PDE4D: variants seen among roughly 807,000 people sequenced by gnomAD.
PDE4D encodes 3',5'-cyclic-AMP phosphodiesterase 4D.
Under a neutral mutation model 87.4 loss-of-function variants are expected in PDE4D, and 24 were observed. The ratio of observed to expected loss-of-function variants is 0.27; its 90% confidence interval spans 0.20 to 0.39. The LOEUF (loss-of-function observed/expected upper bound fraction) is 0.39, where lower values mean the gene tolerates loss of function less well. PDE4D is among the 10% of genes least tolerant of loss of function. PDE4D has a pLI of 1.00. For missense variants in PDE4D, 714 were observed against 1,041.0 expected, an observed-to-expected ratio of 0.69 and a Z score of 4.32; for synonymous variants, 384 against 383.2, an observed-to-expected ratio of 1.00 and a Z score of -0.02.
chr5:60,224,863 G>C (rs1394966012), intron 1 of PDE4D, among the ~76,000 whole-genome samples: 1 of 152,006 alleles, frequency 6.6e-6, no homozygotes, highest in Non-Finnish European at 1.5e-5. Flanking sequence ...GGGAGGCGGG[G>C]AGAGGGAAAG....
intron 1 of PDE4D, among the ~76,000 whole-genome samples, chr5:59,849,799 G>T (rs1744405931): frequency 3.9e-5 from 6 of 151,990 alleles, no homozygotes; most frequent in Admixed American, 3.9e-4. Flanking sequence ...CTCAATTTTT[G>T]TTATAGTTTG....
intron 2 of PDE4D, among the ~76,000 whole-genome samples, chr5:60,057,371 C>T (rs1201236384): frequency 2.0e-5 from 3 of 151,928 alleles, no homozygotes; most frequent in Non-Finnish European, 4.4e-5. Flanking sequence ...TTTGAAGGTA[C>T]ATATGCCTGG....
At chr5:60,131,420 G>A (rs772968659) in intron 2 of PDE4D, among the ~76,000 whole-genome samples, 85 of 152,160 alleles carry the variant, frequency 5.6e-4, no homozygotes, top group Non-Finnish European at 2.2e-4. Flanking sequence ...AGTCTGTTGC[G>A]ATATCCTTTG....
At chr5:59,730,754 C>T (rs2150602279) in intron 1 of PDE4D, among the ~76,000 whole-genome samples, 1 of 152,200 alleles carries the variant, frequency 6.6e-6, no homozygotes, top group Middle Eastern at 3.4e-3. Flanking sequence ...TTATTGTAGT[C>T]ATGTGCCATA....
chr5:60,427,122 G>A (rs974229118), intron 1 of PDE4D, among the ~76,000 whole-genome samples: 6 of 152,100 alleles, frequency 3.9e-5, no homozygotes, highest in Non-Finnish European at 5.9e-5. Flanking sequence ...AAAGAAAAGC[G>A]AGTGAGAATG....
At chr5:59,392,263 C>G (rs563959281) in intron 1 of PDE4D, among the ~76,000 whole-genome samples, 2 of 151,694 alleles carry the variant, frequency 1.3e-5, no homozygotes, top group South Asian at 4.2e-4. Flanking sequence ...TAGCTGCCAG[C>G]GCTGCTAGAA....
chr5:59,050,635 G>T (rs185495347), intron 5 of PDE4D, among the ~76,000 whole-genome samples: 1 of 152,184 alleles, frequency 6.6e-6, no homozygotes, highest in Non-Finnish European at 1.5e-5. Flanking sequence ...TATACACACA[G>T]AAGAATCCAC....
intron 6 of PDE4D, chr5:58,999,520 T>C (rs1214210542): frequency 2.6e-6 from 4 of 1,537,168 alleles, no homozygotes; most frequent in African/African-American, 1.4e-5. Flanking sequence ...TGACAGTAAA[T>C]AGTTTGCTTC....
chr5:60,009,517 A>T (rs1168044567), intron 2 of PDE4D, among the ~76,000 whole-genome samples: 1 of 152,026 alleles, frequency 6.6e-6, no homozygotes, highest in East Asian at 1.9e-4. Flanking sequence ...AAACAGTATA[A>T]ACAAGTGAGC....
intron 1 of PDE4D, among the ~76,000 whole-genome samples, chr5:60,446,455 C>A (rs1745648070): frequency 6.6e-6 from 1 of 152,078 alleles, no homozygotes; most frequent in African/African-American, 2.4e-5. Flanking sequence ...GATGTTCACA[C>A]TAGTTCGTTA....
chr5:59,367,260 T>G (rs1019173677), intron 1 of PDE4D, among the ~76,000 whole-genome samples: 23 of 152,218 alleles, frequency 1.5e-4, no homozygotes, highest in African/African-American at 5.5e-4. Context: ...ATTATAAAAT[T>G]GTCAATACTA....
At chr5:59,131,827 G>T (rs555136633) in intron 5 of PDE4D, among the ~76,000 whole-genome samples, 5 of 152,270 alleles carry the variant, frequency 3.3e-5, no homozygotes, top group African/African-American at 1.2e-4. Context: ...GTTGGTAATT[G>T]TATGTTGGGC....
intron 1 of PDE4D, among the ~76,000 whole-genome samples, chr5:60,304,347 T>G (rs1286300830): frequency 6.6e-6 from 1 of 151,886 alleles, no homozygotes; most frequent in Non-Finnish European, 1.5e-5. Flanking sequence ...CTTTGGTTGA[T>G]GAAATGGAGA....
chr5:59,710,869 C>T (rs298097), intron 1 of PDE4D, among the ~76,000 whole-genome samples: 4 of 151,874 alleles, frequency 2.6e-5, no homozygotes, highest in African/African-American at 4.8e-5. Context: ...ACCAGGCATA[C>T]GGTAGGAATT....
intron 1 of PDE4D, chr5:59,586,619 T>C (rs909586120): frequency 7.3e-6 from 9 of 1,238,672 alleles, no homozygotes; most frequent in Non-Finnish European, 9.1e-6. Flanking sequence ...GGTCCATCCA[T>C]TTAGGTTCCA....
At chr5:59,659,971 A>G (rs6889471) in intron 1 of PDE4D, among the ~76,000 whole-genome samples, 10,882 of 151,888 alleles carry the variant, frequency 0.072, 1,203 homozygotes, top group African/African-American at 0.24. Context: ...GATTGCTTGA[A>G]CTCAGGAGTT....
At chr5:59,537,702 A>C (rs534677475) in intron 1 of PDE4D, among the ~76,000 whole-genome samples, 15 of 152,334 alleles carry the variant, frequency 9.8e-5, no homozygotes, top group African/African-American at 2.9e-4. Context: ...GTAATCATCA[A>C]ACAGGTGGCC....
chr5:59,543,554 G>A (rs1816727899), intron 1 of PDE4D, among the ~76,000 whole-genome samples: 2 of 152,132 alleles, frequency 1.3e-5, no homozygotes, highest in Admixed American at 1.3e-4. Flanking sequence ...AAGATATAAA[G>A]GAATCCAGGA....
intron 1 of PDE4D, among the ~76,000 whole-genome samples, chr5:60,464,839 C>T (rs1300102287): frequency 5.9e-5 from 9 of 152,196 alleles, no homozygotes; most frequent in Non-Finnish European, 1.2e-4. Context: ...TGGCAGCTCA[C>T]ACCTGTAATC....
Sources: gnomAD v4.1 joint callset for allele counts (sites outside exome capture counted in the v4.1 genomes callset) on GRCh38, gnomAD v4.1.1 for gene constraint, MANE v1.5 for transcripts, NCBI Gene and HGNC (gene_info 2026-07-23, HGNC 2026-07-21) for gene names.